ZRSR2: variants seen among roughly 807,000 people sequenced by gnomAD.
ZRSR2 encodes the protein zinc finger CCCH-type, RNA binding motif and serine/arginine rich 2, also known as U2 small nuclear ribonucleoprotein auxiliary factor 35 kDa subunit-related protein 2.
Under a neutral mutation model 39.4 loss-of-function variants are expected in ZRSR2, and 3 were observed. The observed-to-expected ratio is 0.08, with a 90% CI of 0.03 to 0.20. ZRSR2 has a LOEUF of 0.20. Ranked by LOEUF, ZRSR2 falls within the 10% of genes least tolerant of loss-of-function variation. The pLI is 1.00. For synonymous variants in ZRSR2, 137 were observed against 136.0 expected (o/e 1.01, Z -0.05); for missense variants, 256 against 391.5 (o/e 0.65, Z 2.92).
chrX:15,816,371 C>T (rs750153513), intron 8 of ZRSR2, among the ~76,000 whole-genome samples: 139 of 111,845 alleles, frequency 1.2e-3, no homozygotes, highest in African/African-American at 4.3e-3. Flanking sequence ...GGTGTATGTT[C>T]TTTCTTCTGG....
In ZRSR2 at chrX:15,822,802, A is replaced by G. The variant is rs768331870; in HGVS notation, c.1009A>G (p.Asn337Asp). ...NFLHVFRNPN[N>D]EFWEANRDIY... Reference sequence around the variant, plus strand: ...TCTTCATGTGTTCAGAAATCCCAACAATGAATTCTGGGAAGCTAATAGAGA... The same window carrying G: ...TCTTCATGTGTTCAGAAATCCCAACGATGAATTCTGGGAAGCTAATAGAGA... The change falls in exon 11 of 11, where the codon AAT (asparagine) becomes GAT (aspartate). Residue 337 changes from asparagine to aspartate, a missense_variant. Coordinates refer to ENST00000307771, the MANE Select transcript of ZRSR2 (RefSeq NM_005089.4). The G allele has an allele frequency of 1.3e-4, 162 of 1,211,076 alleles. No individual in the cohort carries two copies. The highest frequency in any genetic ancestry group is 1.7e-4 in the Non-Finnish European group (155 of 895,503).
At chrX:15,800,236 G>T (rs1174283604) in intron 3 of ZRSR2, among the ~76,000 whole-genome samples, 1 of 99,205 alleles carries the variant, frequency 1.0e-5, no homozygotes, top group Non-Finnish European at 2.0e-5. Flanking sequence ...TGCCAGGCTG[G>T]AGTGCAGTGG....
intron 3 of ZRSR2, among the ~76,000 whole-genome samples, chrX:15,802,708 C>T (rs1375668839): frequency 3.6e-5 from 4 of 111,253 alleles, no homozygotes; most frequent in Non-Finnish European, 7.5e-5. Flanking sequence ...ATCCGCCCGC[C>T]TCAGCCTCCC....
rs58819139 is a variant in ZRSR2 at position 15,795,084 on chromosome X, CTT to C, written c.121+4074_121+4075del. On this transcript the variant is annotated intron_variant, in intron 2 of 10. Transcript: ENST00000307771. The stretch of plus-strand genomic sequence containing the variant: ...GACCCTTCACCCCGACCCCCCTGCA[CTT>C]TTCCCCCCCCCCCATATTTACAATC... Among the ~76,000 whole-genome samples, 387 of 61,306 alleles carry C rather than the reference CTT, an allele frequency of 6.3e-3. 3 individuals carry two copies. Among genetic ancestry groups the C allele is most frequent in the South Asian group, 0.035 (23 of 648 alleles). 53.2% of individuals were successfully genotyped at this position (61,306 alleles called of 115,157 possible). A position where few individuals can be genotyped will look rare whatever the true frequency, so the allele number is the denominator to read the frequency against.
rs369150396 is a variant in ZRSR2 at position 15,791,039 on chromosome X, T to A, written c.121+26T>A. On this transcript the variant is annotated intron_variant, in intron 2 of 10. Coordinates refer to ENST00000307771, the MANE Select transcript of ZRSR2 (RefSeq NM_005089.4). ...GTGATGGACTCTTTATTCTGTTTTCTGTGTTGTGAAATTGCTCTGTCCACT... is the reference window on the plus strand; with the variant it reads ...GTGATGGACTCTTTATTCTGTTTTCAGTGTTGTGAAATTGCTCTGTCCACT... 2.5e-6 allele frequency: 3 copies of A among 1,178,243 alleles called. No individual in the cohort carries two copies. In the African/African-American group the frequency reaches 5.3e-5, roughly 21 times the overall value.
At chrX:15,793,974 T>C (rs1244218171) in intron 2 of ZRSR2, among the ~76,000 whole-genome samples, 1 of 112,629 alleles carries the variant, frequency 8.9e-6, no homozygotes, top group African/African-American at 3.2e-5. Context: ...AATAGTGAGC[T>C]CTTAATTACA....
At chrX:15,804,626 T>C (rs936203731) in intron 5 of ZRSR2, among the ~76,000 whole-genome samples, 1 of 112,107 alleles carries the variant, frequency 8.9e-6, no homozygotes, top group Non-Finnish European at 1.9e-5. Flanking sequence ...TTATAGCAAG[T>C]TATGTTCTTC....
chrX:15,823,071 T>C lies in ZRSR2; in HGVS notation c.1278T>C (p.Asn426=), dbSNP rs373774576. The C allele has an allele frequency of 1.2e-4, 147 of 1,208,479 alleles. No homozygotes were observed. Among genetic ancestry groups the C allele is most frequent in the East Asian group, 2.1e-4 (7 of 33,732 alleles). Residue 426 remains asparagine, a synonymous_variant, in exon 11 of 11, where the codon AAT becomes AAC. Coordinates refer to ENST00000307771, the MANE Select transcript of ZRSR2 (RefSeq NM_005089.4). Reference sequence around the variant, plus strand: ...ACAATTCACGAAGCAGAGGAAGAAATAGGGACCGCAGCAGGGACCGCAGCC... The same window carrying C: ...ACAATTCACGAAGCAGAGGAAGAAACAGGGACCGCAGCAGGGACCGCAGCC... The part of the protein sequence containing the change: ...ERHNSRSRGR[N]RDRSRDRSRG...
rs780161401 is a variant in ZRSR2, at chrX:15,812,086, C to T, written c.557+2768C>T. Reference sequence around the variant, plus strand: ...CTGGGACCACAGGGGCCCGCCACCACGCCTGGCTAATTTTTTGTGTTTTTA... The same window carrying T: ...CTGGGACCACAGGGGCCCGCCACCATGCCTGGCTAATTTTTTGTGTTTTTA... On this transcript the variant is annotated intron_variant, in intron 7 of 10. Transcript: ENST00000307771. Among the ~76,000 whole-genome samples, 4 of 110,415 alleles carry T rather than the reference C, an allele frequency of 3.6e-5. No homozygotes were observed. In the East Asian group the frequency reaches 1.1e-3, roughly 32 times the overall value.
At chrX:15,821,692 T>C (rs1319084290) in intron 10 of ZRSR2, among the ~76,000 whole-genome samples, 2 of 110,868 alleles carry the variant, frequency 1.8e-5, no homozygotes, top group Admixed American at 9.8e-5. Context: ...AAAGATTTAC[T>C]TGTATGTTTT....
intron 2 of ZRSR2, among the ~76,000 whole-genome samples, chrX:15,795,983 T>C (rs1480996845): frequency 2.7e-5 from 3 of 111,067 alleles, no homozygotes; most frequent in Non-Finnish European, 5.7e-5. Context: ...TAGCTGGGCG[T>C]CCTATTCACG....
intron 2 of ZRSR2, among the ~76,000 whole-genome samples, chrX:15,798,627 T>C (rs1932558198): frequency 9.0e-6 from 1 of 111,525 alleles, no homozygotes; most frequent in Admixed American, 9.6e-5. Context: ...CCTGAGTACA[T>C]GAGCAAGTAA....
chrX:15,793,763 C>T (rs1932357498), intron 2 of ZRSR2, among the ~76,000 whole-genome samples: 1 of 112,354 alleles, frequency 8.9e-6, no homozygotes, highest in African/African-American at 3.2e-5. Context: ...GTCTCAAACT[C>T]CTGATCTCAG....
intron 3 of ZRSR2, among the ~76,000 whole-genome samples, chrX:15,800,159 T>C (rs1262375836): frequency 1.8e-5 from 2 of 109,514 alleles, no homozygotes; most frequent in Non-Finnish European, 3.8e-5. Context: ...TTCTTCTGTT[T>C]TTGCTAATTT....
intron 3 of ZRSR2, among the ~76,000 whole-genome samples, chrX:15,802,111 C>T (rs1027297564): frequency 1.8e-5 from 2 of 112,080 alleles, no homozygotes; most frequent in Non-Finnish European, 3.8e-5. Context: ...GTGCCAGCCT[C>T]TGCCATGGCT....
chrX:15,816,203 C>T (rs1267184509), intron 8 of ZRSR2, among the ~76,000 whole-genome samples: 2 of 112,156 alleles, frequency 1.8e-5, no homozygotes, highest in Non-Finnish European at 3.8e-5. Flanking sequence ...AGGTCCCCTG[C>T]ATATAGCCAT....
In ZRSR2 at chrX:15,808,278, T is replaced by G. The variant is rs374569890; in HGVS notation, c.438+7T>G. On this transcript the variant is annotated splice_region_variant and intron_variant, in intron 6 of 10. Coordinates refer to ENST00000307771, the MANE Select transcript of ZRSR2 (RefSeq NM_005089.4). ...GGATCAGGCTGAAAATGAGGTATTT[T>G]TAAAACCTTACATTGATAATTTGAG... 3.1e-5 allele frequency: 37 copies of G among 1,191,960 alleles called. No individual in the cohort carries two copies. Among genetic ancestry groups the G allele is most frequent in the Non-Finnish European group, 3.9e-5 (34 of 881,183 alleles).
At chrX:15,800,699 T>C (rs1450951569) in intron 3 of ZRSR2, among the ~76,000 whole-genome samples, 1 of 112,253 alleles carries the variant, frequency 8.9e-6, no homozygotes, top group African/African-American at 3.2e-5. Context: ...TATAGTGCAT[T>C]TATTTCAGTA....
chrX:15,790,513 G>A lies in ZRSR2; in HGVS notation c.18G>A (p.Lys6=). The A allele has an allele frequency of 8.6e-7, 1 of 1,160,219 alleles. No individual in the cohort carries two copies. The highest frequency in any genetic ancestry group is 1.1e-6 in the Non-Finnish European group (1 of 871,391). The change falls in exon 1 of 11, where the codon AAG becomes AAA. Residue 6 remains lysine (K), a synonymous_variant. Transcript: ENST00000307771. ...CCGGCAAGATGGCTGCGCCCGAGAA[G>A]ATGACGTTTCCCGAGAAACCAAGGT... is the stretch of plus-strand genomic sequence containing the variant. MAAPE[K]MTFPEKPSHK...
Sources: gnomAD v4.1 joint callset for allele counts (sites outside exome capture counted in the v4.1 genomes callset) on GRCh38, gnomAD v4.1.1 for gene constraint, MANE v1.5 for transcripts, NCBI Gene and HGNC (gene_info 2026-07-23, HGNC 2026-07-21) for gene names.